CDH7: variants seen among roughly 807,000 people sequenced by gnomAD.
The protein encoded by CDH7 is cadherin-7.
In CDH7, 25 loss-of-function variants were observed where a neutral mutation model predicts 71.8. The ratio of observed to expected loss-of-function variants is 0.35; its 90% CI spans 0.25 to 0.49. The LOEUF (loss-of-function observed/expected upper bound fraction) is 0.49. CDH7 is among the 20% of genes least tolerant of loss of function. The pLI is 0.99. For synonymous variants in CDH7, 381 were observed against 363.8 expected (o/e 1.05, Z -0.54); for missense variants, 862 against 974.6 (o/e 0.88, Z 1.54).
chr18:65,809,876 T>A lies in CDH7; in HGVS notation c.383T>A (p.Leu128His), dbSNP rs1217510352. 6.2e-7 allele frequency: 1 copy of A among 1,613,952 alleles called. No individual in the cohort carries two copies. Among genetic ancestry groups the A allele is most frequent in the Admixed American group, 1.7e-5 (1 of 59,990 alleles). ...YTLRAQALDR[L>H]TNKPVEPESE... ...CTCCGAGCTCAAGCGCTGGATAGGC[T>A]CACCAACAAACCCGTGGAGCCCGAG... Residue 128 changes from leucine (L) to histidine (H), a missense_variant, in exon 3 of 12, where the codon CTC becomes CAC. Transcript: ENST00000397968.
chr18:65,762,303 A>T (rs1916214166), intron 1 of CDH7, among the ~76,000 whole-genome samples: 1 of 151,864 alleles, frequency 6.6e-6, no homozygotes, highest in Non-Finnish European at 1.5e-5. Flanking sequence ...GAAAAAAAAT[A>T]AAGGCTAACA....
chr18:65,850,708 T>C (rs185092358), intron 7 of CDH7, among the ~76,000 whole-genome samples: 5 of 151,996 alleles, frequency 3.3e-5, no homozygotes, highest in Admixed American at 2.6e-4. Flanking sequence ...TGAAAAAGTA[T>C]AAAACCCTAA....
chr18:65,826,999 G>C (rs1912156440), intron 6 of CDH7, among the ~76,000 whole-genome samples: 1 of 151,514 alleles, frequency 6.6e-6, no homozygotes, highest in African/African-American at 2.4e-5. Context: ...TAGAATTTTT[G>C]GTTTTGATAC....
At chr18:65,766,885 TAAAAAAAAAAAAAAAAAAAAAAAA>T (rs61611288) in intron 2 of CDH7, among the ~76,000 whole-genome samples, 11 of 88,610 alleles carry the variant, frequency 1.2e-4, no homozygotes, top group African/African-American at 1.9e-4. Context: ...CTGTCTGACG[TAAAAAAAAAAAAAAAAAAAAAAAA>T]AAAAAAAAAA....
chr18:65,837,752 G>A (rs1912582161), intron 6 of CDH7, among the ~76,000 whole-genome samples: 1 of 151,974 alleles, frequency 6.6e-6, no homozygotes, highest in South Asian at 2.1e-4. Flanking sequence ...TAAGAAAATA[G>A]AAACGACAGA....
At chr18:65,778,519 G>C (rs1910044243) in intron 2 of CDH7, among the ~76,000 whole-genome samples, 1 of 72,260 alleles carries the variant, frequency 1.4e-5, no homozygotes, top group African/African-American at 7.1e-5. Context: ...TTTGCCCCAG[G>C]CGTCTCACTC....
chr18:65,858,934 C>G lies in CDH7; in HGVS notation c.1382C>G (p.Ser461Cys). 6.2e-7 allele frequency: 1 copy of G among 1,611,466 alleles called. No homozygotes were observed. Among genetic ancestry groups the G allele is most frequent in the Non-Finnish European group, 8.5e-7 (1 of 1,177,800 alleles). ...TVLAMESQNP[S>C]QVGRGYVAIT... The stretch of plus-strand genomic sequence containing the variant: ...CTGTCTTATTTATTAGAGAATCCAT[C>G]TCAAGTAGGAAGAGGCTATGTGGCC... The change falls in exon 9 of 12, where the codon TCT (serine) becomes TGT (cysteine). Residue 461 changes from serine (S) to cysteine (C), a missense_variant. Ser to Cys is a moderately radical substitution (Grantham distance 112). Transcript: ENST00000397968.
intron 11 of CDH7, among the ~76,000 whole-genome samples, chr18:65,873,015 T>C (rs1053992333): frequency 6.6e-6 from 1 of 151,898 alleles, no homozygotes; most frequent in South Asian, 2.1e-4. Context: ...TAGTGCCCAG[T>C]AGAAAAAGAA....
intron 11 of CDH7, chr18:65,863,538 A>G (rs1392395500): frequency 6.5e-6 from 1 of 153,478 alleles, no homozygotes; most frequent in Non-Finnish European, 1.5e-5. Context: ...AGAGCACTCT[A>G]CAGAGGAGAT....
intron 4 of CDH7, among the ~76,000 whole-genome samples, chr18:65,816,422 C>G (rs1477407939): frequency 6.6e-6 from 1 of 152,028 alleles, no homozygotes; most frequent in African/African-American, 2.4e-5. Flanking sequence ...TGTTAGTCTT[C>G]CTTTCCTGAT....
chr18:65,871,999 C>T (rs886658537), intron 11 of CDH7, among the ~76,000 whole-genome samples: 1 of 151,842 alleles, frequency 6.6e-6, no homozygotes, highest in Admixed American at 6.6e-5. Flanking sequence ...AGCCAAGAAA[C>T]CGAGTATGGA....
chr18:65,832,300 C>T (rs1244763498), intron 6 of CDH7, among the ~76,000 whole-genome samples: 3 of 151,466 alleles, frequency 2.0e-5, no homozygotes, highest in Non-Finnish European at 2.9e-5. Context: ...TTATACTTGG[C>T]ATAGAATTCT....
intron 2 of CDH7, among the ~76,000 whole-genome samples, chr18:65,784,728 A>G (rs555137117): frequency 1.3e-5 from 2 of 152,276 alleles, no homozygotes; most frequent in South Asian, 2.1e-4. Context: ...ATTCCACTTC[A>G]TCTCCGTGTT....
chr18:65,800,563 T>C (rs906810006), intron 2 of CDH7, among the ~76,000 whole-genome samples: 2 of 152,098 alleles, frequency 1.3e-5, no homozygotes, highest in African/African-American at 2.4e-5. Context: ...AGCTCAAAAA[T>C]TTGCATTTTA....
At chr18:65,763,296 A>T (rs1412951684) in intron 2 of CDH7, among the ~76,000 whole-genome samples, 1 of 152,160 alleles carries the variant, frequency 6.6e-6, no homozygotes, top group African/African-American at 2.4e-5. Context: ...CTAGAAACAG[A>T]TGAGGATTCT....
intron 2 of CDH7, among the ~76,000 whole-genome samples, chr18:65,783,594 A>G (rs933365054): frequency 7.2e-5 from 11 of 152,184 alleles, no homozygotes; most frequent in African/African-American, 2.7e-4. Flanking sequence ...TTTCTATGGA[A>G]AATTCAGTGG....
chr18:65,809,478 T>C (rs895876061), intron 2 of CDH7, among the ~76,000 whole-genome samples: 1 of 152,062 alleles, frequency 6.6e-6, no homozygotes, highest in South Asian at 2.1e-4. Flanking sequence ...ATAAAATACC[T>C]TTGGAAATGA....
chr18:65,795,210 T>C (rs1023954977), intron 2 of CDH7, among the ~76,000 whole-genome samples: 2 of 152,328 alleles, frequency 1.3e-5, no homozygotes, highest in Admixed American at 1.3e-4. Flanking sequence ...ATTACTAATT[T>C]TTTTTATATT....
chr18:65,861,921 AAGTT>A (rs1913578086), intron 10 of CDH7, among the ~76,000 whole-genome samples: 1 of 152,154 alleles, frequency 6.6e-6, no homozygotes, highest in Admixed American at 6.6e-5. Context: ...TAATTAAGAC[AAGTT>A]AGTTGGAAAA....
Sources: gnomAD v4.1 joint callset for allele counts (sites outside exome capture counted in the v4.1 genomes callset) on GRCh38, gnomAD v4.1.1 for gene constraint, MANE v1.5 for transcripts, NCBI Gene and HGNC (gene_info 2026-07-23, HGNC 2026-07-21) for gene names.